Variants in PECR observed in about 807,000 individuals in gnomAD.
The protein encoded by PECR is peroxisomal trans-2-enoyl-CoA reductase.
PECR carries 30 observed loss-of-function variants against 35.3 expected under a neutral mutation model. The ratio of observed to expected loss-of-function variants is 0.85; its 90% CI spans 0.64 to 1.15. The LOEUF is 1.15. Ranked by LOEUF, PECR falls within the 50% of genes most tolerant of loss-of-function variation. The pLI is 0.00. For missense variants in PECR, 392 were observed against 370.8 expected, an observed-to-expected ratio of 1.06 and a Z score of -0.47; for synonymous variants, 148 against 138.9, an observed-to-expected ratio of 1.07 and a Z score of -0.46.
chr2:216,038,135 A>G (rs1694829024), downstream of PECR, among the ~76,000 whole-genome samples: 1 of 152,268 alleles, frequency 6.6e-6, no homozygotes, highest in African/African-American at 2.4e-5. Context: ...TGATAAAAAA[A>G]AGAAAATAGC....
intron 1 of PECR, among the ~76,000 whole-genome samples, chr2:216,072,970 A>G (rs1695616226): frequency 6.6e-6 from 1 of 152,232 alleles, no homozygotes; most frequent in Admixed American, 6.5e-5. Flanking sequence ...GTACAAAATA[A>G]GACAATTTTA....
chr2:216,071,069 C>T (rs895085003), intron 1 of PECR, among the ~76,000 whole-genome samples: 4 of 152,120 alleles, frequency 2.6e-5, no homozygotes, highest in African/African-American at 7.2e-5. Flanking sequence ...TGGTTCATTC[C>T]GTCTTCGCAT....
At chr2:216,029,252 G>C (rs1407950561) in intron 7 of PECR, among the ~76,000 whole-genome samples, 1 of 152,206 alleles carries the variant, frequency 6.6e-6, no homozygotes, top group Non-Finnish European at 1.5e-5. Flanking sequence ...GGCTGAGGCA[G>C]GCAGATCACG....
intron 4 of PECR, among the ~76,000 whole-genome samples, chr2:216,058,413 G>C (rs1695272632): frequency 6.6e-6 from 1 of 152,122 alleles, no homozygotes; most frequent in Non-Finnish European, 1.5e-5. Flanking sequence ...CTAATCAGAG[G>C]CACAAAACCT....
At chr2:216,031,691 G>A (rs201907921) in intron 7 of PECR, among the ~76,000 whole-genome samples, 36 of 61,160 alleles carry the variant, frequency 5.9e-4, no homozygotes, top group Middle Eastern at 8.8e-3. Flanking sequence ...AAGAAAGAAA[G>A]AGAAAGAAAG....
intron 4 of PECR, among the ~76,000 whole-genome samples, chr2:216,057,080 G>A (rs1246795725): frequency 6.6e-6 from 1 of 152,076 alleles, no homozygotes; most frequent in Non-Finnish European, 1.5e-5. Flanking sequence ...CATGAAAGAG[G>A]ACACATTTCA....
chr2:216,045,146 A>C (rs749722829), intron 6 of PECR, among the ~76,000 whole-genome samples: 1 of 152,244 alleles, frequency 6.6e-6, no homozygotes, highest in African/African-American at 2.4e-5. Context: ...TTTTGTGTCC[A>C]TGCCTTGCTT....
At chr2:216,049,904 G>T (rs1695070549) in intron 5 of PECR, among the ~76,000 whole-genome samples, 1 of 152,130 alleles carries the variant, frequency 6.6e-6, no homozygotes, top group East Asian at 1.9e-4. Flanking sequence ...GGCTTTCTAA[G>T]GTCAGGAAAA....
intron 4 of PECR, among the ~76,000 whole-genome samples, chr2:216,058,512 TA>T (rs1695274344): frequency 1.3e-5 from 2 of 152,246 alleles, no homozygotes; most frequent in African/African-American, 4.8e-5. Context: ...ATATTAATGG[TA>T]TTCAAATCTA....
chr2:216,032,900 C>CA (rs1247655040), intron 7 of PECR: 1 of 151,976 alleles, frequency 6.6e-6, no homozygotes, highest in Non-Finnish European at 1.5e-5. Flanking sequence ...AATACCAAAG[C>CA]AAAAAACTAA....
At chr2:216,051,768 G>A (rs1469433463) in intron 4 of PECR, among the ~76,000 whole-genome samples, 1 of 152,160 alleles carries the variant, frequency 6.6e-6, no homozygotes, top group Non-Finnish European at 1.5e-5. Context: ...ACATGGCATA[G>A]ACCCAGATAA....
chr2:216,038,238 T>C (rs1401734050), downstream of PECR, among the ~76,000 whole-genome samples: 2 of 152,186 alleles, frequency 1.3e-5, no homozygotes, highest in Non-Finnish European at 2.9e-5. Flanking sequence ...AGGGTCTAAC[T>C]ATCAGACTGG....
chr2:216,033,125 T>C (rs989284908), intron 7 of PECR, among the ~76,000 whole-genome samples: 4 of 152,222 alleles, frequency 2.6e-5, no homozygotes, highest in Admixed American at 1.3e-4. Flanking sequence ...GAATTAACCA[T>C]ATAATGTATA....
Position 216,081,783 on chromosome 2 carries a change from T to C in PECR, c.-42A>G, listed in dbSNP as rs1173610101. The C allele has an allele frequency of 7.5e-6, 12 of 1,606,954 alleles. No homozygotes were observed. The highest frequency in any genetic ancestry group is 1.0e-5 in the Non-Finnish European group (12 of 1,178,714). ...CAGAGCAGCTGAGCGCAGGCCCTTC[T>C]GGGTCTCAGGGACATTCGAGGCGGG... On this transcript the variant is annotated 5_prime_UTR_variant, in exon 1 of 8. Coordinates refer to ENST00000265322, the MANE Select transcript of PECR (RefSeq NM_018441.6).
intron 7 of PECR, among the ~76,000 whole-genome samples, chr2:216,031,467 GAAAGAA>G (rs1694694325): frequency 1.7e-5 from 2 of 116,954 alleles, no homozygotes; most frequent in African/African-American, 6.7e-5. Context: ...GAGAAAGAAA[GAAAGAA>G]AGAGAAAGAA....
chr2:216,044,225 T>C (rs1305921272), intron 6 of PECR, among the ~76,000 whole-genome samples: 2 of 152,086 alleles, frequency 1.3e-5, no homozygotes, highest in Non-Finnish European at 1.5e-5. Context: ...ATCAGGTAGG[T>C]GACTAGGGTA....
At chr2:216,046,824 A>T (rs1695006248) in intron 6 of PECR, among the ~76,000 whole-genome samples, 1 of 152,244 alleles carries the variant, frequency 6.6e-6, no homozygotes, top group Non-Finnish European at 1.5e-5. Flanking sequence ...ACCCAAGAGT[A>T]CATGATTATA....
chr2:216,056,263 T>G (rs1044702676), intron 4 of PECR, among the ~76,000 whole-genome samples: 5 of 151,968 alleles, frequency 3.3e-5, no homozygotes, highest in Admixed American at 6.6e-5. Flanking sequence ...AAAAAAGGAG[T>G]GCTCAATCTC....
intron 5 of PECR, 94 bp from the exon 6 acceptor site, chr2:216,049,467 T>C (rs1344482256): frequency 1.6e-6 from 1 of 634,508 alleles, no homozygotes; most frequent in Non-Finnish European, 2.8e-6. Flanking sequence ...ATTTCAAACA[T>C]TAAGTAGCTT....
Sources: allele counts gnomAD v4.1 joint callset (sites outside exome capture counted in the v4.1 genomes callset), GRCh38; gene constraint gnomAD v4.1.1; transcripts MANE v1.5; gene names NCBI Gene and HGNC (gene_info 2026-07-23, HGNC 2026-07-21).